KIRREL3: variants seen among roughly 807,000 people sequenced by gnomAD.
KIRREL3 encodes kin of IRRE-like protein 3.
KIRREL3 carries 36 observed loss-of-function variants against 89.7 expected under a neutral mutation model. The ratio of observed to expected loss-of-function variants is 0.40; its 90% CI spans 0.31 to 0.53. The LOEUF (loss-of-function observed/expected upper bound fraction) is 0.53. KIRREL3 is among the 20% of genes least tolerant of loss of function. The pLI is 0.49. For synonymous variants in KIRREL3, 445 were observed against 441.4 expected, an observed-to-expected ratio of 1.01 and a Z score of -0.10; for missense variants, 864 against 1,056.6, an observed-to-expected ratio of 0.82 and a Z score of 2.53.
At chr11:126,549,560 C>A (rs550305841) in intron 2 of KIRREL3, 1 of 152,234 alleles carries the variant, frequency 6.6e-6, no homozygotes, top group Non-Finnish European at 1.5e-5. Flanking sequence ...TTCGTTTATT[C>A]CAACTTCTCT....
At chr11:126,968,228 A>G (rs529613037) in intron 1 of KIRREL3, among the ~76,000 whole-genome samples, 4 of 152,216 alleles carry the variant, frequency 2.6e-5, no homozygotes, top group African/African-American at 9.6e-5. Context: ...TATTTTTTTT[A>G]ATTAACAGAT....
intron 2 of KIRREL3, among the ~76,000 whole-genome samples, chr11:126,556,525 T>C (rs1175018867): frequency 1.3e-5 from 2 of 152,130 alleles, no homozygotes; most frequent in African/African-American, 2.4e-5. Context: ...CTTGTTCTTC[T>C]GGCTACTTGG....
chr11:126,501,152 C>G lies in KIRREL3; in HGVS notation c.433+20163G>C, dbSNP rs2134367237. Among the ~76,000 whole-genome samples, 1 of 152,344 alleles carries G rather than the reference C, an allele frequency of 6.6e-6. No individual in the cohort carries two copies. Among genetic ancestry groups the G allele is most frequent in the Non-Finnish European group, 1.5e-5 (1 of 68,036 alleles). Reference sequence around the variant, plus strand: ...CCAGTGCAAGGACACTACTGGTGGACAGCTGGTCCGTCCCACACTTTTCTC... The same window carrying G: ...CCAGTGCAAGGACACTACTGGTGGAGAGCTGGTCCGTCCCACACTTTTCTC... On this transcript the variant is annotated intron_variant, in intron 4 of 16. Coordinates refer to ENST00000525144, the MANE Select transcript of KIRREL3 (RefSeq NM_032531.4). The surrounding 1 kb of genome is among the most constrained non-coding windows in gnomAD (Gnocchi z 5.8).
At chr11:126,667,078 T>TA (rs1165701607) in intron 1 of KIRREL3, among the ~76,000 whole-genome samples, 2 of 152,070 alleles carry the variant, frequency 1.3e-5, no homozygotes, top group Non-Finnish European at 2.9e-5. Context: ...CACTTTAAGC[T>TA]AAAAAACAAA....
intron 1 of KIRREL3, among the ~76,000 whole-genome samples, chr11:126,982,671 G>A (rs907741851): frequency 8.5e-5 from 13 of 152,170 alleles, no homozygotes; most frequent in Admixed American, 5.2e-4. Context: ...TTTCTAGCCA[G>A]ATCCTCAGCC....
chr11:126,883,369 C>T lies in KIRREL3; in HGVS notation c.55+117086G>A, dbSNP rs140312130. Among the ~76,000 whole-genome samples the T allele has an allele frequency of 2.6e-5, 4 of 152,264 alleles. No individual in the cohort carries two copies. Among genetic ancestry groups the T allele is most frequent in the East Asian group, 3.9e-4 (2 of 5,164 alleles). Reference sequence around the variant, plus strand: ...CCTCTTCCCAACAAATGCTCATTGTCGCACTTCCTGTCACCTCTCTCTCCT... The same window carrying T: ...CCTCTTCCCAACAAATGCTCATTGTTGCACTTCCTGTCACCTCTCTCTCCT... On this transcript the variant is annotated intron_variant, in intron 1 of 16. Transcript: ENST00000525144. This position sits in a 1 kb window ranked among gnomAD's most constrained non-coding sequence, Gnocchi z 4.1.
chr11:126,966,210 A>G (rs1326456644), intron 1 of KIRREL3, among the ~76,000 whole-genome samples: 2 of 152,182 alleles, frequency 1.3e-5, no homozygotes, highest in Non-Finnish European at 2.9e-5. Flanking sequence ...TACAAACGGT[A>G]ATTTGACTGA....
At position 126,477,160 on chromosome 11, in the gene KIRREL3, C is replaced by T. The variant is rs1591604971; in HGVS notation, c.434-3694G>A. 6.6e-6 allele frequency among the ~76,000 whole-genome samples: 1 copy of T among 152,224 alleles called. No individual in the cohort carries two copies. The highest frequency in any genetic ancestry group is 1.5e-5 in the Non-Finnish European group (1 of 68,034). ...TAGCCGGGGGTGGCTGAGCGACACTCCTGCACCCAGCTGGCTCCTGGGGCA... is the reference window on the plus strand; with the variant it reads ...TAGCCGGGGGTGGCTGAGCGACACTTCTGCACCCAGCTGGCTCCTGGGGCA... On this transcript the variant is annotated intron_variant, in intron 4 of 16. Coordinates refer to ENST00000525144, the MANE Select transcript of KIRREL3 (RefSeq NM_032531.4). This position sits in a 1 kb window ranked among gnomAD's most constrained non-coding sequence, Gnocchi z 4.8.
rs941504793 is a variant in KIRREL3 at position 126,635,544 on chromosome 11, G to A, written c.56-72632C>T. ...GCCTGGAGGAGGAGATAGGGAGGGAGGAGAAGGCTGGATGCTGGGTTCCCA... is the reference window on the plus strand; with the variant it reads ...GCCTGGAGGAGGAGATAGGGAGGGAAGAGAAGGCTGGATGCTGGGTTCCCA... On this transcript the variant is annotated intron_variant, in intron 1 of 16. Coordinates refer to ENST00000525144, the MANE Select transcript of KIRREL3 (RefSeq NM_032531.4). The surrounding 1 kb of genome is among the most constrained non-coding windows in gnomAD (Gnocchi z 4.0). 2.0e-5 allele frequency among the ~76,000 whole-genome samples: 3 copies of A among 152,168 alleles called. No individual in the cohort carries two copies. The highest frequency in any genetic ancestry group is 7.2e-5 in the African/African-American group (3 of 41,446).
Position 126,611,643 on chromosome 11 carries a change from C to T in KIRREL3, c.56-48731G>A, listed in dbSNP as rs1300242765. Among the ~76,000 whole-genome samples the T allele has an allele frequency of 1.3e-5, 2 of 152,168 alleles. No homozygotes were observed. The highest frequency in any genetic ancestry group is 6.5e-5 in the Admixed American group (1 of 15,276). ...TGTCATTTGTCCACGTTTGCATTCC[C>T]GTGCCCTCCCCACAGATGGCTGCTC... On this transcript the variant is annotated intron_variant, in intron 1 of 16. Transcript: ENST00000525144. This position sits in a 1 kb window ranked among gnomAD's most constrained non-coding sequence, Gnocchi z 4.7.
chr11:126,961,615 G>A (rs906188091), intron 1 of KIRREL3, among the ~76,000 whole-genome samples: 3 of 152,210 alleles, frequency 2.0e-5, no homozygotes, highest in Non-Finnish European at 2.9e-5. Flanking sequence ...AAAGTTTAAG[G>A]TGAAGCAGTA....
rs1393386616 is a variant in KIRREL3 at position 126,788,679 on chromosome 11, A to ACATTATAGAC, written c.55+211766_55+211775dup. On this transcript the variant is annotated intron_variant, in intron 1 of 16. Transcript: ENST00000525144. This position sits in a 1 kb window ranked among gnomAD's most constrained non-coding sequence, Gnocchi z 4.1. ...CCAGACCCATCATCACCAGTCCTCC[A>ACATTATAGAC]CATTATAGACCACAAAGGCCCTACA... Among the ~76,000 whole-genome samples the ACATTATAGAC allele has an allele frequency of 6.6e-6, 1 of 152,148 alleles. No individual in the cohort carries two copies. The highest frequency in any genetic ancestry group is 2.4e-5 in the African/African-American group (1 of 41,436).
In KIRREL3 at chr11:126,993,542, G is replaced by A. The variant is rs1950097900; in HGVS notation, c.55+6913C>T. On this transcript the variant is annotated intron_variant, in intron 1 of 16. Coordinates refer to ENST00000525144, the MANE Select transcript of KIRREL3 (RefSeq NM_032531.4). This position sits in a 1 kb window ranked among gnomAD's most constrained non-coding sequence, Gnocchi z 6.1. Reference sequence around the variant, plus strand: ...GATCCACCTGTTTTCAGAACACTCTGACAGCTCTGAACCCATCATATTGTA... The same window carrying A: ...GATCCACCTGTTTTCAGAACACTCTAACAGCTCTGAACCCATCATATTGTA... 6.6e-6 allele frequency among the ~76,000 whole-genome samples: 1 copy of A among 152,160 alleles called. No individual in the cohort carries two copies. Among genetic ancestry groups the A allele is most frequent in the Admixed American group, 6.5e-5 (1 of 15,280 alleles).
chr11:126,945,156 G>C (rs1266514980), intron 1 of KIRREL3: 2 of 152,232 alleles, frequency 1.3e-5, no homozygotes, highest in Admixed American at 1.3e-4. Flanking sequence ...AAACTGCTTT[G>C]ACATATTTGC....
rs779828305 is a variant in KIRREL3, at chr11:126,689,500, C to T, written c.56-126588G>A. ...CCAAAGAGGAGGTCTCCTATGCACC[C>T]GAGGAGGATGAGTCTTCAGAGTTTC... On this transcript the variant is annotated intron_variant, in intron 1 of 16. Coordinates refer to ENST00000525144, the MANE Select transcript of KIRREL3 (RefSeq NM_032531.4). This position sits in a 1 kb window ranked among gnomAD's most constrained non-coding sequence, Gnocchi z 5.2. Among the ~76,000 whole-genome samples the T allele has an allele frequency of 1.6e-4, 25 of 152,320 alleles. No homozygotes were observed. Among genetic ancestry groups the T allele is most frequent in the Admixed American group, 6.5e-4 (10 of 15,298 alleles).
intron 4 of KIRREL3, among the ~76,000 whole-genome samples, chr11:126,509,533 C>T (rs561304258): frequency 6.6e-6 from 1 of 152,152 alleles, no homozygotes; most frequent in Admixed American, 6.5e-5. Context: ...CCTTTTTTTC[C>T]CCAGCCATTC....
chr11:126,768,904 G>A lies in KIRREL3; in HGVS notation c.56-205992C>T, dbSNP rs1162666390. On this transcript the variant is annotated intron_variant, in intron 1 of 16. Transcript: ENST00000525144. This position sits in a 1 kb window ranked among gnomAD's most constrained non-coding sequence, Gnocchi z 4.5. Reference sequence around the variant, plus strand: ...AAGAAGGCGATGTTGCTTCCCACATGCGTGGGAGCCGGTGAAGTGTTGTAA... The same window carrying A: ...AAGAAGGCGATGTTGCTTCCCACATACGTGGGAGCCGGTGAAGTGTTGTAA... 6.6e-6 allele frequency among the ~76,000 whole-genome samples: 1 copy of A among 152,224 alleles called. No individual in the cohort carries two copies. The highest frequency in any genetic ancestry group is 2.4e-5 in the African/African-American group (1 of 41,456).
chr11:126,448,974 T>A, intron 8 of KIRREL3, 35 bp downstream of exon 8: 1 of 1,571,356 alleles, frequency 6.4e-7, no homozygotes, highest in South Asian at 1.2e-5. Context: ...AGTGGATGCC[T>A]GCTCGCCTGG....
intron 1 of KIRREL3, among the ~76,000 whole-genome samples, chr11:126,952,253 G>T (rs1948795236): frequency 6.6e-6 from 1 of 152,176 alleles, no homozygotes; most frequent in African/African-American, 2.4e-5. Flanking sequence ...GGGTGTGGTG[G>T]CACATGCCTG....
Sources: allele counts gnomAD v4.1 joint callset (sites outside exome capture counted in the v4.1 genomes callset), GRCh38; gene constraint gnomAD v4.1.1; non-coding constraint Gnocchi (gnomAD v3.1); transcripts MANE v1.5; gene names NCBI Gene and HGNC (gene_info 2026-07-23, HGNC 2026-07-21).